Variants in PRC1 observed in about 807,000 individuals in gnomAD.
PRC1 encodes anaphase spindle elongation 1 homolog.
A neutral mutation model predicts 91.2 loss-of-function variants in PRC1; 54 were observed. The observed-to-expected ratio is 0.59, with a 90% confidence interval of 0.48 to 0.74. PRC1 has a LOEUF of 0.74. Ranked by LOEUF, PRC1 falls within the 30% of genes least tolerant of loss-of-function variation. The pLI, the probability that PRC1 is intolerant of heterozygous loss-of-function variation, is 0.00. For missense variants in PRC1, 727 were observed against 746.2 expected (o/e 0.97, Z 0.30); for synonymous variants, 275 against 263.6 (o/e 1.04, Z -0.42).
chr15:90,972,378 G>A (rs915027562), intron 11 of PRC1, among the ~76,000 whole-genome samples: 4 of 151,870 alleles, frequency 2.6e-5, no homozygotes, highest in African/African-American at 9.7e-5. Context: ...GCAAGACACT[G>A]TCTAAAAATA....
intron 14 of PRC1, chr15:90,967,472 TAC>T (rs1450821412): frequency 2.0e-6 from 1 of 492,932 alleles, no homozygotes; most frequent in Admixed American, 3.4e-5. Context: ...AAATCCTTCA[TAC>T]AGTCATGCAC....
At chr15:90,986,306 T>C (rs950292582) in intron 1 of PRC1, among the ~76,000 whole-genome samples, 2 of 152,202 alleles carry the variant, frequency 1.3e-5, no homozygotes, top group Non-Finnish European at 2.9e-5. Flanking sequence ...GAATAGTACA[T>C]TCCTACAATG....
chr15:90,990,662 T>G (rs1364197861), intron 1 of PRC1, among the ~76,000 whole-genome samples: 1 of 152,180 alleles, frequency 6.6e-6, no homozygotes, highest in Non-Finnish European at 1.5e-5. Context: ...ACTCTGAATA[T>G]TCTAAAAATC....
intron 8 of PRC1, among the ~76,000 whole-genome samples, chr15:90,978,189 T>C (rs533104108): frequency 6.6e-6 from 1 of 152,274 alleles, no homozygotes; most frequent in South Asian, 2.1e-4. Flanking sequence ...ATGTTGCCTA[T>C]CAGAAGAAAA....
chr15:90,973,470 A>G (rs1216601448), intron 11 of PRC1, among the ~76,000 whole-genome samples: 1 of 152,184 alleles, frequency 6.6e-6, no homozygotes, highest in African/African-American at 2.4e-5. Context: ...AGCCTGAGAT[A>G]TGGCCTCGTG....
chr15:90,976,007 G>C (rs2038656639), intron 9 of PRC1, among the ~76,000 whole-genome samples: 1 of 152,158 alleles, frequency 6.6e-6, no homozygotes. Context: ...ACGACATGTT[G>C]ATCTCAGATT....
intron 1 of PRC1, among the ~76,000 whole-genome samples, chr15:90,992,792 G>C (rs748821686): frequency 2.0e-5 from 3 of 151,976 alleles, no homozygotes; most frequent in Non-Finnish European, 2.9e-5. Context: ...AAATGAGTCA[G>C]TTTTTCCAGT....
chr15:90,980,799 C>T, intron 6 of PRC1, 85 bp downstream of exon 6: 1 of 1,572,084 alleles, frequency 6.4e-7, no homozygotes, highest in Non-Finnish European at 8.7e-7. Context: ...AACCACTGAG[C>T]CTGGCCAAAT....
Position 90,967,005 on chromosome 15 carries a change from C to T in PRC1, c.*126G>A, listed in dbSNP as rs1270960148. On this transcript the variant is annotated 3_prime_UTR_variant, in exon 15 of 15. Coordinates refer to ENST00000394249, the MANE Select transcript of PRC1 (RefSeq NM_003981.4). Reference sequence around the variant, plus strand: ...ACTCATTCACATCTTTAAGTTAGGCCCATGGTCATGGAACCTGGCCAAGGT... The same window carrying T: ...ACTCATTCACATCTTTAAGTTAGGCTCATGGTCATGGAACCTGGCCAAGGT... The T allele has an allele frequency of 5.1e-6, 4 of 782,538 alleles. No individual in the cohort carries two copies. Among genetic ancestry groups the T allele is most frequent in the Non-Finnish European group, 8.7e-6 (4 of 458,908 alleles). The allele number at this position is 782,538 out of a possible 1,614,324, so 48.5% of individuals were successfully genotyped here. A position where few individuals can be genotyped will look rare whatever the true frequency, so the allele number is the denominator to read the frequency against.
chr15:90,968,592 T>C, intron 14 of PRC1: 1 of 992,290 alleles, frequency 1.0e-6, no homozygotes, highest in Non-Finnish European at 1.2e-6. Context: ...AGTAGCTCAA[T>C]GTATGGAAAG....
chr15:90,972,404 T>C (rs1377790574), intron 11 of PRC1, among the ~76,000 whole-genome samples: 4 of 151,356 alleles, frequency 2.6e-5, no homozygotes, highest in Non-Finnish European at 5.9e-5. Flanking sequence ...TTTAATGTTA[T>C]AAAATAGCAG....
In PRC1 at chr15:90,976,682, C is replaced by T; in HGVS notation, c.1197G>A (p.Leu399=). 3 of 1,609,322 alleles carry T rather than the reference C, an allele frequency of 1.9e-6. No individual in the cohort carries two copies. The highest frequency in any genetic ancestry group is 2.6e-6 in the Non-Finnish European group (3 of 1,175,846). ...CCCTTAGCAACATTATTACCTTGGG[C>T]AGCATTTTCTGGAGCTTGGCTCGTT... ...EKQRAKLQKM[L]PKLEEELKAR... is the part of the protein sequence containing the mutation. The change falls in exon 9 of 15, where the codon CTG becomes CTA. Residue 399 remains leucine, a synonymous_variant. Coordinates refer to ENST00000394249, the MANE Select transcript of PRC1 (RefSeq NM_003981.4).
Position 90,967,127 on chromosome 15 carries a change from C to T in PRC1, c.*4G>A. 1 of 1,612,882 alleles carries T rather than the reference C, an allele frequency of 6.2e-7. No homozygotes were observed. Among genetic ancestry groups the T allele is most frequent in the Non-Finnish European group, 8.5e-7 (1 of 1,178,834 alleles). ...GCCACAGCTGGTTGACTGATCAGGG[C>T]TTCTCAGGACTGGATGTTGGTTGAA... On this transcript the variant is annotated 3_prime_UTR_variant, in exon 15 of 15. Transcript: ENST00000394249.
intron 1 of PRC1, chr15:90,988,401 T>C (rs1330095119): frequency 1.3e-5 from 2 of 152,188 alleles, no homozygotes; most frequent in East Asian, 3.9e-4. Context: ...TAACAGCTAG[T>C]TGTTCATAAT....
chr15:90,979,584 T>C (rs1326079190), intron 7 of PRC1, among the ~76,000 whole-genome samples: 1 of 152,216 alleles, frequency 6.6e-6, no homozygotes, highest in Non-Finnish European at 1.5e-5. Context: ...TATTCTGCTT[T>C]TCTGTCTTGC....
At position 90,966,400 on chromosome 15, in the gene PRC1, G is replaced by C; in HGVS notation, c.*731C>G. ...ACTCCCAATGTGGCTGGCAACTGCG[G>C]GGGTAGAAGAACTCAGGCAAAGTAG... On this transcript the variant is annotated 3_prime_UTR_variant, in exon 15 of 15. Transcript: ENST00000394249. 1 of 342,406 alleles carries C rather than the reference G, an allele frequency of 2.9e-6. No individual in the cohort carries two copies. Among genetic ancestry groups the C allele is most frequent in the Non-Finnish European group, 5.9e-6 (1 of 169,882 alleles). 21.2% of individuals were successfully genotyped at this position (342,406 alleles called of 1,614,324 possible). A position where few individuals can be genotyped will look rare whatever the true frequency, so the allele number is the denominator to read the frequency against.
rs1034697600 is a variant in PRC1, at chr15:90,974,360, A to T, written c.1351-114T>A. 2 of 1,085,344 alleles carry T rather than the reference A, an allele frequency of 1.8e-6. No homozygotes were observed. Among genetic ancestry groups the T allele is most frequent in the Non-Finnish European group, 2.7e-6 (2 of 752,016 alleles). The allele number at this position is 1,085,344 out of a possible 1,614,324, so 67.2% of individuals were successfully genotyped here. On this transcript the variant is annotated intron_variant, in intron 10 of 14. Transcript: ENST00000394249. The surrounding 1 kb of genome is among the most constrained non-coding windows in gnomAD (Gnocchi z 4.6). ...CGTGTCTCTACAGCCAGAGCTAAAG[A>T]GCTGCCGCGGGCTCCCCGTTCCACA... is the stretch of plus-strand genomic sequence containing the variant.
rs372103387 is a variant in PRC1 at position 90,984,259 on chromosome 15, C to T, written c.145-119G>A. ...TCTTTTTTTCTTTGAGATGGAGTCTCGCTCTGTTGCCCAGGCTGGAGTGCA... is the reference window on the plus strand; with the variant it reads ...TCTTTTTTTCTTTGAGATGGAGTCTTGCTCTGTTGCCCAGGCTGGAGTGCA... On this transcript the variant is annotated intron_variant, in intron 2 of 14. Coordinates refer to ENST00000394249, the MANE Select transcript of PRC1 (RefSeq NM_003981.4). The surrounding 1 kb of genome is among the most constrained non-coding windows in gnomAD (Gnocchi z 5.1). The T allele has an allele frequency of 8.2e-5, 111 of 1,360,248 alleles. No individual in the cohort carries two copies. The highest frequency in any genetic ancestry group is 6.7e-4 in the African/African-American group (46 of 68,800). 84.3% of individuals were successfully genotyped at this position (1,360,248 alleles called of 1,614,324 possible).
chr15:90,990,389 T>A (rs1394148007), intron 1 of PRC1, among the ~76,000 whole-genome samples: 3 of 116,946 alleles, frequency 2.6e-5, no homozygotes, highest in Non-Finnish European at 4.7e-5. Flanking sequence ...AATAAATAAA[T>A]AATTTTTTTT....
Sources: allele counts gnomAD v4.1 joint callset (sites outside exome capture counted in the v4.1 genomes callset), GRCh38; gene constraint gnomAD v4.1.1; non-coding constraint Gnocchi (gnomAD v3.1); transcripts MANE v1.5; gene names NCBI Gene and HGNC (gene_info 2026-07-23, HGNC 2026-07-21).